The following RAPGEF5 variants were observed in gnomAD, a reference collection of about 807,000 sequenced individuals.
RAPGEF5 encodes Rap guanine nucleotide exchange factor 5, also known as M-Ras-regulated GEF.
RAPGEF5 carries 65 observed loss-of-function variants against 125.2 expected under a neutral mutation model. The ratio of observed to expected loss-of-function variants is 0.52; its 90% CI spans 0.43 to 0.64. The LOEUF is 0.64. Ranked by LOEUF, RAPGEF5 falls within the 30% of genes least tolerant of loss-of-function variation. The pLI is 0.00. For synonymous variants in RAPGEF5, 391 were observed against 385.9 expected, an observed-to-expected ratio of 1.01 and a Z score of -0.16; for missense variants, 958 against 1,048.1, an observed-to-expected ratio of 0.91 and a Z score of 1.19.
chr7:22,263,708 C>T lies in RAPGEF5; in HGVS notation c.796+3256G>A, dbSNP rs562956268. Among the ~76,000 whole-genome samples, 15 of 145,694 alleles carry T rather than the reference C, an allele frequency of 1.0e-4. No individual in the cohort carries two copies. In the East Asian group the frequency reaches 1.6e-3, roughly 16 times the overall value. ...TTGCGCCACTGCACTCCATTCTGGGCGACAGAGCGAGACTCCATCTCAAAA... is the reference window on the plus strand; with the variant it reads ...TTGCGCCACTGCACTCCATTCTGGGTGACAGAGCGAGACTCCATCTCAAAA... On this transcript the variant is annotated intron_variant, in intron 7 of 25. Coordinates refer to ENST00000665637, the MANE Select transcript of RAPGEF5 (RefSeq NM_012294.5).
At chr7:22,347,577 C>G (rs781616128) in intron 1 of RAPGEF5, among the ~76,000 whole-genome samples, 2 of 152,128 alleles carry the variant, frequency 1.3e-5, no homozygotes, top group Non-Finnish European at 2.9e-5. Context: ...AAAAGAGACT[C>G]TAATCAAGGA....
intron 1 of RAPGEF5, among the ~76,000 whole-genome samples, chr7:22,353,481 C>T (rs6976502): frequency 0.53 from 81,204 of 151,898 alleles, 22,144 homozygotes; most frequent in East Asian, 0.6. Flanking sequence ...ACATGATGTA[C>T]GGAATTTTGT....
At position 22,122,202 on chromosome 7, in the gene RAPGEF5, C is replaced by G. The variant is rs896205835; in HGVS notation, c.*204G>C. The G allele has an allele frequency of 5.7e-6, 3 of 522,230 alleles. No homozygotes were observed. The highest frequency in any genetic ancestry group is 1.0e-5 in the Non-Finnish European group (3 of 289,638). 32.3% of individuals were successfully genotyped at this position (522,230 alleles called of 1,614,324 possible). ...TGACTCTCCTTCTGCCTTCTTGTCC[C>G]GAGAGTAGCATGGAGAAACCTCTCC... is the stretch of plus-strand genomic sequence containing the variant. On this transcript the variant is annotated 3_prime_UTR_variant, in exon 26 of 26. Coordinates refer to ENST00000665637, the MANE Select transcript of RAPGEF5 (RefSeq NM_012294.5).
intron 7 of RAPGEF5, among the ~76,000 whole-genome samples, chr7:22,238,334 T>C (rs1044609485): frequency 1.3e-5 from 2 of 152,248 alleles, no homozygotes; most frequent in Non-Finnish European, 2.9e-5. Flanking sequence ...CTTTAAAAAT[T>C]ATTTTGTAAA....
intron 11 of RAPGEF5, chr7:22,192,799 A>C (rs1216267116): frequency 6.5e-6 from 1 of 153,094 alleles, no homozygotes; most frequent in Non-Finnish European, 1.5e-5. Flanking sequence ...CTGATCGATA[A>C]GGCTTTAGTG....
At chr7:22,145,257 A>G in intron 19 of RAPGEF5, 35 bp from the exon 20 acceptor site, 1 of 1,564,738 alleles carries the variant, frequency 6.4e-7, no homozygotes, top group Non-Finnish European at 8.7e-7. Context: ...GGGTTTATTT[A>G]TAGCAAAGTA....
chr7:22,230,731 TG>T, intron 8 of RAPGEF5, 114 bp downstream of exon 8: 1 of 935,128 alleles, frequency 1.1e-6, no homozygotes, highest in Non-Finnish European at 1.6e-6. Context: ...CCCAATAACA[TG>T]GCTATTTACA....
At chr7:22,129,775 T>G (rs886144453) in intron 24 of RAPGEF5, among the ~76,000 whole-genome samples, 4 of 152,206 alleles carry the variant, frequency 2.6e-5, no homozygotes, top group African/African-American at 9.6e-5. Flanking sequence ...AGTGATGGTC[T>G]TCGGTGTGGT....
chr7:22,303,804 T>C (rs1783268397), intron 5 of RAPGEF5, among the ~76,000 whole-genome samples: 1 of 152,248 alleles, frequency 6.6e-6, no homozygotes, highest in African/African-American at 2.4e-5. Context: ...AGTAAGTTAC[T>C]GAAAGCAGTA....
chr7:22,161,886 G>A (rs1005139352), intron 13 of RAPGEF5, among the ~76,000 whole-genome samples: 1 of 152,082 alleles, frequency 6.6e-6, no homozygotes, highest in Non-Finnish European at 1.5e-5. Flanking sequence ...CATCTCTCCA[G>A]ATAATCATCT....
At chr7:22,269,549 G>A (rs182492937) in intron 6 of RAPGEF5, among the ~76,000 whole-genome samples, 9 of 152,308 alleles carry the variant, frequency 5.9e-5, no homozygotes, top group East Asian at 1.9e-4. Context: ...AAAACTTCCC[G>A]AGGGAGGACA....
chr7:22,321,495 T>C (rs1783714044), intron 1 of RAPGEF5, among the ~76,000 whole-genome samples: 1 of 152,174 alleles, frequency 6.6e-6, no homozygotes, highest in African/African-American at 2.4e-5. Flanking sequence ...GGAGATGCCT[T>C]AATACTATCC....
chr7:22,313,781 GT>G (rs987732721), intron 3 of RAPGEF5, among the ~76,000 whole-genome samples: 1 of 152,194 alleles, frequency 6.6e-6, no homozygotes, highest in Non-Finnish European at 1.5e-5. Flanking sequence ...TATAAATTTA[GT>G]TTTTTTAAAA....
chr7:22,321,113 G>C (rs1271035155), intron 1 of RAPGEF5, among the ~76,000 whole-genome samples: 1 of 152,106 alleles, frequency 6.6e-6, no homozygotes, highest in Non-Finnish European at 1.5e-5. Flanking sequence ...AATGAAAATA[G>C]ATTTTTAAGT....
intron 23 of RAPGEF5, among the ~76,000 whole-genome samples, chr7:22,134,608 A>G (rs1263487602): frequency 6.6e-6 from 1 of 152,216 alleles, no homozygotes; most frequent in Non-Finnish European, 1.5e-5. Context: ...ATTACCTTAA[A>G]GTATGTGTTG....
intron 7 of RAPGEF5, among the ~76,000 whole-genome samples, chr7:22,259,889 C>A (rs983434246): frequency 6.6e-6 from 1 of 152,192 alleles, no homozygotes; most frequent in African/African-American, 2.4e-5. Flanking sequence ...TGAGCCACCA[C>A]GCCCAGCCCA....
intron 23 of RAPGEF5, among the ~76,000 whole-genome samples, chr7:22,133,633 T>C (rs1782989505): frequency 6.6e-6 from 1 of 152,008 alleles, no homozygotes; most frequent in Non-Finnish European, 1.5e-5. Flanking sequence ...AACAATAAAC[T>C]CCACTCTAAG....
chr7:22,191,548 T>C (rs1784996987), intron 11 of RAPGEF5: 4 of 470,852 alleles, frequency 8.5e-6, no homozygotes, highest in Non-Finnish European at 1.8e-5. Context: ...CCCACTTAGG[T>C]TGGTGCTAGG....
At chr7:22,142,966 A>G (rs1382859363) in intron 20 of RAPGEF5, among the ~76,000 whole-genome samples, 2 of 152,262 alleles carry the variant, frequency 1.3e-5, no homozygotes, top group Non-Finnish European at 2.9e-5. Context: ...GACCACTACC[A>G]TAAAGCATTC....
Sources: gnomAD v4.1 joint callset for allele counts (sites outside exome capture counted in the v4.1 genomes callset) on GRCh38, gnomAD v4.1.1 for gene constraint, MANE v1.5 for transcripts, NCBI Gene and HGNC (gene_info 2026-07-23, HGNC 2026-07-21) for gene names.